PCDH15: variants seen among roughly 807,000 people sequenced by gnomAD.
PCDH15 encodes protocadherin related 15, also known as protocadherin-15.
Under a neutral mutation model 178.5 loss-of-function variants are expected in PCDH15, and 129 were observed. The observed-to-expected ratio is 0.72, with a 90% confidence interval of 0.63 to 0.84. PCDH15 has a LOEUF of 0.84. PCDH15 is among the 40% of genes least tolerant of loss of function. PCDH15 has a pLI of 0.00. For missense variants in PCDH15, 2,230 were observed against 2,099.9 expected (o/e 1.06, Z -1.21); for synonymous variants, 800 against 732.0 (o/e 1.09, Z -1.50).
intron 4 of PCDH15, among the ~76,000 whole-genome samples, chr10:54,374,915 A>G (rs1948181681): frequency 6.6e-6 from 1 of 151,956 alleles, no homozygotes; most frequent in Admixed American, 6.6e-5. Context: ...TTTTTAACAC[A>G]CTGTTAAAAA....
chr10:55,080,662 G>C (rs1435432017), intron 2 of PCDH15, among the ~76,000 whole-genome samples: 2 of 152,112 alleles, frequency 1.3e-5, no homozygotes, highest in Admixed American at 1.3e-4. Context: ...TGGAGACTGT[G>C]CTACCAGAGT....
intron 2 of PCDH15, among the ~76,000 whole-genome samples, chr10:55,581,612 T>C (rs1193762515): frequency 1.3e-5 from 2 of 152,106 alleles, no homozygotes; most frequent in Non-Finnish European, 2.9e-5. Context: ...GAAATGATTA[T>C]GAGTCAATTT....
chr10:54,653,196 C>T (rs1470628349), intron 2 of PCDH15, among the ~76,000 whole-genome samples: 3 of 152,128 alleles, frequency 2.0e-5, no homozygotes, highest in East Asian at 1.9e-4. Context: ...TCATCTAACA[C>T]GGTTACCTTT....
At chr10:53,821,041 A>T in intron 32 of PCDH15, 1 of 905,610 alleles carries the variant, frequency 1.1e-6, no homozygotes, top group Non-Finnish European at 1.3e-6. Flanking sequence ...ATATGAACAA[A>T]CAAAATTAAA....
At chr10:55,395,829 C>A (rs1837913398) in intron 2 of PCDH15, among the ~76,000 whole-genome samples, 1 of 151,936 alleles carries the variant, frequency 6.6e-6, no homozygotes. Context: ...TTTAGTCTCA[C>A]TATCCTCCTA....
At chr10:55,433,208 T>C (rs1400023809) in intron 2 of PCDH15, among the ~76,000 whole-genome samples, 1 of 152,158 alleles carries the variant, frequency 6.6e-6, no homozygotes, top group Non-Finnish European at 1.5e-5. Flanking sequence ...TAAATGCCCA[T>C]TAATGGTAGA....
At chr10:53,978,397 T>C (rs2090362702) in intron 21 of PCDH15, among the ~76,000 whole-genome samples, 1 of 152,148 alleles carries the variant, frequency 6.6e-6, no homozygotes, top group South Asian at 2.1e-4. Flanking sequence ...GAACTGTACC[T>C]TGGCCCATTT....
At chr10:55,452,286 T>A (rs1049305374) in intron 2 of PCDH15, among the ~76,000 whole-genome samples, 2 of 152,134 alleles carry the variant, frequency 1.3e-5, no homozygotes, top group African/African-American at 4.8e-5. Context: ...GAAGTAAACT[T>A]AATTATCCAC....
Position 54,304,856 on chromosome 10 carries a change from G to A in PCDH15, c.876+12415C>T, listed in dbSNP as rs374773785. Among the ~76,000 whole-genome samples, 318 of 145,860 alleles carry A rather than the reference G, an allele frequency of 2.2e-3. 1 individual carries two copies. The highest frequency in any genetic ancestry group is 5.8e-3 in the African/African-American group (222 of 38,330). On this transcript the variant is annotated intron_variant, in intron 8 of 37. Transcript: ENST00000644397. ...AAATTCATTGCTGTGTCCATAGTCTGTTTATTTCCCTTTTTTTTTGTATGT... is the reference window on the plus strand; with the variant it reads ...AAATTCATTGCTGTGTCCATAGTCTATTTATTTCCCTTTTTTTTTGTATGT...
chr10:55,056,625 A>G lies in PCDH15; in HGVS notation c.-80+109951T>C, dbSNP rs1483782404. 2.0e-5 allele frequency among the ~76,000 whole-genome samples: 3 copies of G among 147,252 alleles called. No individual in the cohort carries two copies. In the East Asian group the frequency reaches 5.9e-4, roughly 29 times the overall value. ...TTTATTTTGTTTTATTATTATTATT[A>G]TTATTATTATTATTATTAATATTTT... is the stretch of plus-strand genomic sequence containing the variant. On this transcript the variant is annotated intron_variant, in intron 2 of 5. Transcript: ENST00000458638.
At chr10:54,806,109 A>T (rs2133722887), upstream of PCDH15, among the ~76,000 whole-genome samples, 1 of 152,312 alleles carries the variant, frequency 6.6e-6, no homozygotes, top group East Asian at 1.9e-4. Context: ...TATTATTTAG[A>T]GCTATCTTAT....
chr10:53,868,283 A>G (rs1238726547), intron 26 of PCDH15, among the ~76,000 whole-genome samples: 1 of 152,078 alleles, frequency 6.6e-6, no homozygotes, highest in African/African-American at 2.4e-5. Flanking sequence ...ATTAAGTATG[A>G]GTATGCATTT....
At chr10:53,831,559 T>A in intron 29 of PCDH15, 26 bp from the exon 30 acceptor site, 1 of 1,456,426 alleles carries the variant, frequency 6.9e-7, no homozygotes, top group Non-Finnish European at 9.6e-7. Flanking sequence ...AATAGTAAAA[T>A]TAATGATGCT....
At chr10:55,593,120 C>T (rs1323782708) in intron 2 of PCDH15, among the ~76,000 whole-genome samples, 1 of 151,702 alleles carries the variant, frequency 6.6e-6, no homozygotes, top group African/African-American at 2.4e-5. Flanking sequence ...GGAATACTAA[C>T]AAATGAAATC....
intron 26 of PCDH15, among the ~76,000 whole-genome samples, chr10:53,892,461 ATTGT>A (rs1359216761): frequency 6.6e-6 from 1 of 152,188 alleles, no homozygotes; most frequent in African/African-American, 2.4e-5. Flanking sequence ...ATAGGCATAA[ATTGT>A]TTGCTAGGAG....
At chr10:53,883,781 T>A (rs2080901115) in intron 26 of PCDH15, among the ~76,000 whole-genome samples, 1 of 152,198 alleles carries the variant, frequency 6.6e-6, no homozygotes, top group South Asian at 2.1e-4. Context: ...AATGGTGTGA[T>A]CTTGGCTCAC....
At chr10:54,372,907 G>A (rs1283566655) in intron 4 of PCDH15, among the ~76,000 whole-genome samples, 1 of 151,456 alleles carries the variant, frequency 6.6e-6, no homozygotes, top group East Asian at 1.9e-4. Context: ...ATGTGTATCA[G>A]GAATGATATA....
rs540893481 is a variant in PCDH15, at chr10:53,977,566, C to G, written c.2869-15674G>C. Among the ~76,000 whole-genome samples the G allele has an allele frequency of 4.6e-5, 7 of 152,294 alleles. No homozygotes were observed. The South Asian group carries it at 6.2e-4, about 14-fold the overall frequency. On this transcript the variant is annotated intron_variant, in intron 21 of 37. Transcript: ENST00000644397. Reference sequence around the variant, plus strand: ...TCAAGATAAGATTTGGGTGGGGACACAGCCAAACCACATCATTCCACCCTG... The same window carrying G: ...TCAAGATAAGATTTGGGTGGGGACAGAGCCAAACCACATCATTCCACCCTG...
intron 1 of PCDH15, among the ~76,000 whole-genome samples, chr10:55,265,282 T>C (rs1310472711): frequency 6.6e-6 from 1 of 150,410 alleles, no homozygotes; most frequent in African/African-American, 2.5e-5. Flanking sequence ...AGACGATATA[T>C]TGTGATAGAT....
Sources: allele counts gnomAD v4.1 joint callset (sites outside exome capture counted in the v4.1 genomes callset), GRCh38; gene constraint gnomAD v4.1.1; transcripts MANE v1.5; gene names NCBI Gene and HGNC (gene_info 2026-07-23, HGNC 2026-07-21).